Variants in MEGF10 observed in about 807,000 individuals in gnomAD.
MEGF10 encodes multiple epidermal growth factor-like domains protein 10.
A neutral mutation model predicts 147.5 loss-of-function variants in MEGF10; 86 were observed. The ratio of observed to expected loss-of-function variants is 0.58; its 90% CI spans 0.49 to 0.70. The LOEUF is 0.70. MEGF10 is among the 30% of genes least tolerant of loss of function. The pLI, the probability that MEGF10 is intolerant of heterozygous loss-of-function variation, is 0.00. For synonymous variants in MEGF10, 478 were observed against 525.5 expected, an observed-to-expected ratio of 0.91 and a Z score of 1.24; for missense variants, 1,329 against 1,487.3, an observed-to-expected ratio of 0.89 and a Z score of 1.75.
At chr5:127,232,060 C>A in the MEGF10 span, among the ~76,000 whole-genome samples, 1 of 152,136 alleles carries the variant, frequency 6.6e-6, no homozygotes, top group East Asian at 1.9e-4. Context: ...GAAGTAAGCC[C>A]GGGAAGAGAA....
In MEGF10 at chr5:127,337,387, T is replaced by C. The variant is rs145204579; in HGVS notation, c.117-1733T>C. Among the ~76,000 whole-genome samples, 453 of 152,218 alleles carry C rather than the reference T, an allele frequency of 3.0e-3. 3 individuals carry two copies. Among genetic ancestry groups the C allele is most frequent in the African/African-American group, 0.01 (432 of 41,576 alleles). On this transcript the variant is annotated intron_variant, in intron 2 of 24. Transcript: ENST00000503335. ...GCATGACTCAGGCCACATAGTTATA[T>C]TCCTCTCAAGGCTCAAAATAATTTA...
chr5:127,230,267 T>C, the MEGF10 span, among the ~76,000 whole-genome samples: 2 of 152,044 alleles, frequency 1.3e-5, no homozygotes, highest in Non-Finnish European at 2.9e-5. Context: ...CCTAGCCCCA[T>C]TGATCAGGGA....
At chr5:127,345,995 A>G (rs1287622172) in intron 4 of MEGF10, among the ~76,000 whole-genome samples, 3 of 152,134 alleles carry the variant, frequency 2.0e-5, no homozygotes, top group Non-Finnish European at 2.9e-5. Context: ...ACGGTTCCCA[A>G]TTCCATCCAG....
the MEGF10 span, among the ~76,000 whole-genome samples, chr5:127,277,234 GA>G: frequency 6.6e-6 from 1 of 152,160 alleles, no homozygotes; most frequent in Non-Finnish European, 1.5e-5. Context: ...TCCTCATCTG[GA>G]ATTGCCTTCA....
At chr5:127,284,773 C>G in the MEGF10 span, among the ~76,000 whole-genome samples, 1 of 152,172 alleles carries the variant, frequency 6.6e-6, no homozygotes, top group African/African-American at 2.4e-5. Flanking sequence ...AAGGTAAACT[C>G]TGTGAACTCT....
chr5:127,399,302 C>G (rs1466214487), intron 7 of MEGF10, among the ~76,000 whole-genome samples: 1 of 152,132 alleles, frequency 6.6e-6, no homozygotes, highest in African/African-American at 2.4e-5. Context: ...TGTGATAATC[C>G]AAGAGGAAGC....
Position 127,457,145 on chromosome 5 carries a change from G to A in MEGF10, c.3250G>A (p.Val1084Ile). ...TATCACAGAACCTACAGTGAGTGTT[G>A]TCCAAGGAGTATTCAGCAATAATGG... The part of the protein sequence containing the change: ...VYEVEPTVSV[V>I]QGVFSNNGRL... The change falls in exon 25 of 25, where the codon GTC becomes ATC. Residue 1084 changes from valine to isoleucine, a missense_variant. Coordinates refer to ENST00000503335, the MANE Select transcript of MEGF10 (RefSeq NM_001256545.2). 1 of 1,613,302 alleles carries A rather than the reference G, an allele frequency of 6.2e-7. No individual in the cohort carries two copies. The highest frequency in any genetic ancestry group is 1.1e-5 in the South Asian group (1 of 90,814).
At position 127,340,583 on chromosome 5, in the gene MEGF10, A is replaced by C. The variant is rs748220970; in HGVS notation, c.272A>C (p.Lys91Thr). 4.3e-6 allele frequency: 7 copies of C among 1,612,906 alleles called. No homozygotes were observed. Among genetic ancestry groups the C allele is most frequent in the Non-Finnish European group, 5.1e-6 (6 of 1,179,204 alleles). ...RHGEKTMYRR[K>T]SQCCPGFYES... ...GGGGAGAAGACTATGTATAGGCGCA[A>C]GTCTCAGTGTTGTCCTGGATTTTAT... Residue 91 changes from lysine (K) to threonine (T), a missense_variant, in exon 4 of 25, where the codon AAG becomes ACG. Lys to Thr is a moderately conservative substitution (Grantham distance 78). Coordinates refer to ENST00000503335, the MANE Select transcript of MEGF10 (RefSeq NM_001256545.2).
intron 12 of MEGF10, among the ~76,000 whole-genome samples, chr5:127,422,290 G>A (rs1281639277): frequency 6.6e-6 from 1 of 152,032 alleles, no homozygotes; most frequent in Non-Finnish European, 1.5e-5. Context: ...GGAGGCTGAG[G>A]CGAGTGGATC....
At chr5:127,393,385 T>G (rs1051424943) in intron 5 of MEGF10, among the ~76,000 whole-genome samples, 1 of 152,236 alleles carries the variant, frequency 6.6e-6, no homozygotes, top group Non-Finnish European at 1.5e-5. Flanking sequence ...AGAGCTGGCT[T>G]ATATGCTGTA....
intron 18 of MEGF10, among the ~76,000 whole-genome samples, chr5:127,441,501 G>A (rs900132849): frequency 6.6e-6 from 1 of 152,072 alleles, no homozygotes; most frequent in Non-Finnish European, 1.5e-5. Context: ...CACCCCACTA[G>A]CTATGCATCC....
At chr5:127,416,132 A>G (rs755752893) in intron 9 of MEGF10, among the ~76,000 whole-genome samples, 2 of 151,858 alleles carry the variant, frequency 1.3e-5, no homozygotes, top group Non-Finnish European at 2.9e-5. Flanking sequence ...GGTTCACACC[A>G]TTCTCCTGCC....
chr5:127,253,625 C>T, the MEGF10 span, among the ~76,000 whole-genome samples: 2 of 151,786 alleles, frequency 1.3e-5, no homozygotes, highest in African/African-American at 4.8e-5. Context: ...TGTCAAGTTA[C>T]AAGAAAAATA....
At chr5:127,338,236 T>C (rs1352723386) in intron 2 of MEGF10, among the ~76,000 whole-genome samples, 1 of 152,128 alleles carries the variant, frequency 6.6e-6, no homozygotes, top group African/African-American at 2.4e-5. Context: ...AAGATTTTAC[T>C]GAAAATCTTT....
At chr5:127,370,716 C>T (rs1056649024) in intron 5 of MEGF10, among the ~76,000 whole-genome samples, 3 of 152,134 alleles carry the variant, frequency 2.0e-5, no homozygotes, top group African/African-American at 7.2e-5. Context: ...AATACAGTTG[C>T]TTTTCTAAAT....
chr5:127,367,753 A>C (rs1481141917), intron 4 of MEGF10, among the ~76,000 whole-genome samples: 1 of 152,220 alleles, frequency 6.6e-6, no homozygotes, highest in Non-Finnish European at 1.5e-5. Flanking sequence ...GAGAATTGGT[A>C]AACTTGGGTC....
At chr5:127,455,701 A>C (rs1016938940) in intron 24 of MEGF10, 94 bp downstream of exon 24, 1 of 949,862 alleles carries the variant, frequency 1.1e-6, no homozygotes, top group African/African-American at 1.8e-5. Flanking sequence ...GGTCATAGAA[A>C]TCTTATTGAA....
rs769777348 is a variant in MEGF10, at chr5:127,443,067, A to G, written c.2432A>G (p.Asp811Gly). The change falls in exon 19 of 25, where the codon GAC becomes GGC. Residue 811 changes from aspartate (D) to glycine (G), a missense_variant. Asp to Gly is a moderately conservative substitution (Grantham distance 94). Transcript: ENST00000503335. ...GATTGTCTGAACAACTCCACCTGCGACCACATCACTGGGACCTGTTACTGC... is the reference window on the plus strand; with the variant it reads ...GATTGTCTGAACAACTCCACCTGCGGCCACATCACTGGGACCTGTTACTGC... ...ICDCLNNSTC[D>G]HITGTCYCSP... 1 of 1,613,864 alleles carries G rather than the reference A, an allele frequency of 6.2e-7. No individual in the cohort carries two copies. Among genetic ancestry groups the G allele is most frequent in the Non-Finnish European group, 8.5e-7 (1 of 1,179,784 alleles).
rs1764887126 is a variant in MEGF10 at position 127,419,153 on chromosome 5, A to C, written c.1339A>C (p.Thr447Pro). 6.2e-7 allele frequency: 1 copy of C among 1,613,964 alleles called. No homozygotes were observed. Among genetic ancestry groups the C allele is most frequent in the Non-Finnish European group, 8.5e-7 (1 of 1,179,994 alleles). The change falls in exon 11 of 25, where the codon ACC becomes CCC. Residue 447 changes from threonine to proline, a missense_variant. This residue lies in a region of MEGF10 where 980 missense variants were observed against 1,085.9 expected (regional missense o/e 0.90). Transcript: ENST00000503335. Reference protein sequence around the residue: ...IDCSTPCPLGTYGINCSSRCG... With the variant: ...IDCSTPCPLGPYGINCSSRCG... Reference sequence around the variant, plus strand: ...CTGCTCTACCCCATGCCCTCTGGGAACCTATGGGATAAACTGTTCCTCTCG... The same window carrying C: ...CTGCTCTACCCCATGCCCTCTGGGACCCTATGGGATAAACTGTTCCTCTCG...
Sources: gnomAD v4.1 joint callset for allele counts (sites outside exome capture counted in the v4.1 genomes callset) on GRCh38, gnomAD v4.1.1 for gene constraint, gnomAD v4.1.1 regional missense constraint, MANE v1.5 for transcripts, NCBI Gene and HGNC (gene_info 2026-07-23, HGNC 2026-07-21) for gene names.